CUL2: variants seen among roughly 807,000 people sequenced by gnomAD.
The protein encoded by CUL2 is cullin 2.
A neutral mutation model predicts 110.2 loss-of-function variants in CUL2; 22 were observed. The observed-to-expected ratio is 0.20, with a 90% CI of 0.14 to 0.28. The LOEUF (loss-of-function observed/expected upper bound fraction) is 0.28. Among genes scored for constraint, CUL2 ranks in the 10% least tolerant of loss-of-function variants. CUL2 has a pLI of 1.00. For synonymous variants in CUL2, 279 were observed against 293.2 expected (o/e 0.95, Z 0.49); for missense variants, 631 against 905.5 (o/e 0.70, Z 3.89).
upstream of CUL2, among the ~76,000 whole-genome samples, chr10:35,091,615 G>T (rs940729784): frequency 5.3e-5 from 8 of 151,098 alleles, no homozygotes; most frequent in Non-Finnish European, 1.2e-4. Context: ...AATGCAATAT[G>T]TCTGGTCCTT....
At chr10:35,022,950 C>G (rs543354815) in intron 17 of CUL2, among the ~76,000 whole-genome samples, 2 of 152,128 alleles carry the variant, frequency 1.3e-5, no homozygotes, top group Admixed American at 6.5e-5. Context: ...AAGGCTGAGG[C>G]AGGAGAATCA....
intron 16 of CUL2, among the ~76,000 whole-genome samples, chr10:35,026,934 C>G (rs1054447814): frequency 6.6e-6 from 1 of 151,972 alleles, no homozygotes; most frequent in African/African-American, 2.4e-5. Flanking sequence ...GCTGCACCCA[C>G]TAACTCGTCA....
intron 1 of CUL2, among the ~76,000 whole-genome samples, chr10:35,121,219 A>G (rs1349791168): frequency 6.6e-6 from 1 of 152,130 alleles, no homozygotes; most frequent in African/African-American, 2.4e-5. Flanking sequence ...GCCGGAAGAT[A>G]GGCTTTATTT....
intron 1 of CUL2, among the ~76,000 whole-genome samples, chr10:35,078,596 C>T (rs181720970): frequency 2.0e-5 from 3 of 152,236 alleles, no homozygotes; most frequent in African/African-American, 7.2e-5. Flanking sequence ...CTACTGCACC[C>T]AGCCCGACAT....
intron 5 of CUL2, among the ~76,000 whole-genome samples, chr10:35,051,861 G>A (rs972340281): frequency 2.2e-4 from 33 of 151,996 alleles, no homozygotes; most frequent in Non-Finnish European, 3.2e-4. Context: ...TCAACTGCTC[G>A]GTTTCTTTAT....
chr10:35,018,399 C>T (rs970241037), intron 17 of CUL2, among the ~76,000 whole-genome samples: 11 of 150,846 alleles, frequency 7.3e-5, no homozygotes, highest in African/African-American at 2.7e-4. Flanking sequence ...ACCCCAGAGA[C>T]TGCATTTTCC....
At chr10:35,122,477 CAACA>C (rs1221675874) in intron 1 of CUL2, among the ~76,000 whole-genome samples, 1 of 152,128 alleles carries the variant, frequency 6.6e-6, no homozygotes, top group Non-Finnish European at 1.5e-5. Context: ...TCACACAAGT[CAACA>C]AACAAACTTG....
At chr10:35,089,991 G>A (rs2087166490) in intron 1 of CUL2, 188 bp downstream of exon 1, 2 of 152,296 alleles carry the variant, frequency 1.3e-5, no homozygotes, top group South Asian at 2.1e-4. Flanking sequence ...CAGGGCTTAC[G>A]GGTCAGCGCT....
intron 1 of CUL2, among the ~76,000 whole-genome samples, chr10:35,125,870 C>A (rs1479119663): frequency 6.6e-6 from 1 of 152,206 alleles, no homozygotes; most frequent in Non-Finnish European, 1.5e-5. Flanking sequence ...CGCTCTGTCA[C>A]CCAGACTGGA....
intron 1 of CUL2, among the ~76,000 whole-genome samples, chr10:35,081,549 T>C (rs1463164348): frequency 3.9e-5 from 6 of 152,228 alleles, no homozygotes; most frequent in Non-Finnish European, 8.8e-5. Context: ...GTATGAATAC[T>C]AGACAAAGCT....
upstream of CUL2, among the ~76,000 whole-genome samples, chr10:35,093,535 G>T (rs1589057934): frequency 6.6e-6 from 1 of 151,478 alleles, no homozygotes; most frequent in Non-Finnish European, 1.5e-5. Context: ...GGTGTGTGCT[G>T]GTAGTCACAG....
rs140730307 is a variant in CUL2, at chr10:35,111,703, C to T, written c.-50-10643G>A. On this transcript the variant is annotated intron_variant, in intron 1 of 5. Coordinates refer to the CUL2 transcript ENST00000685421. ...AGGAGTTCCAGACCAGCCTGGCCAA[C>T]ATGGTGAAAACTGGTCTCTACTAAA... Among the ~76,000 whole-genome samples, 603 of 152,266 alleles carry T rather than the reference C, an allele frequency of 4.0e-3. 2 individuals carry two copies. Among genetic ancestry groups the T allele is most frequent in the Non-Finnish European group, 7.0e-3 (475 of 68,006 alleles).
At chr10:35,057,862 G>A (rs1379999789) in intron 4 of CUL2, among the ~76,000 whole-genome samples, 1 of 152,044 alleles carries the variant, frequency 6.6e-6, no homozygotes, top group African/African-American at 2.4e-5. Flanking sequence ...GGGAGGCTGA[G>A]GCAGGTGGAT....
rs1260491775 is a variant in CUL2, at chr10:35,033,251, G to A, written c.1025C>T (p.Ser342Leu). ...QENMPTLFVE[S>L]VLEVHGKFVQ... ...AAATTTACCATGCACTTCCAAAACT[G>A]ACTCCACAAATAGTGTTGGCATCTA... Residue 342 changes from serine to leucine, a missense_variant, in exon 11 of 21, where the codon TCA becomes TTA. Ser to Leu is a moderately radical substitution (Grantham distance 145, BLOSUM62 -2). Coordinates refer to ENST00000374749, the MANE Select transcript of CUL2 (RefSeq NM_003591.4). 4 of 1,612,738 alleles carry A rather than the reference G, an allele frequency of 2.5e-6. No homozygotes were observed. Among genetic ancestry groups the A allele is most frequent in the Non-Finnish European group, 3.4e-6 (4 of 1,179,080 alleles).
intron 1 of CUL2, among the ~76,000 whole-genome samples, chr10:35,102,249 A>G (rs1172468636): frequency 6.6e-6 from 1 of 151,896 alleles, no homozygotes; most frequent in Non-Finnish European, 1.5e-5. Flanking sequence ...AACAATAATA[A>G]TAACATTAAT....
chr10:35,102,384 C>T (rs1043381100), intron 1 of CUL2, among the ~76,000 whole-genome samples: 1 of 151,974 alleles, frequency 6.6e-6, no homozygotes, highest in Non-Finnish European at 1.5e-5. Flanking sequence ...CCAGCCTGGC[C>T]AACATAGTGA....
Position 35,035,281 on chromosome 10 carries a change from T to A in CUL2, c.893A>T (p.Tyr298Phe). ...QEKKNDMANM[Y>F]VLLRAVSTGL... ...AGTGGACACAGCACGGAGTAAGACG[T>A]ACATATTTGCCATGTCTGAGAGGAA... Residue 298 changes from tyrosine (Y) to phenylalanine (F), a missense_variant, in exon 10 of 21, where the codon TAC (tyrosine) becomes TTC (phenylalanine). By Grantham distance (22) the Tyr-to-Phe change is conservative (BLOSUM62 3). Around this residue, in one of 3 missense-constraint regions of CUL2, gnomAD observed 338 missense variants for 442.5 expected, o/e 0.76. Transcript: ENST00000374749. 1 of 1,614,054 alleles carries A rather than the reference T, an allele frequency of 6.2e-7. No individual in the cohort carries two copies. The highest frequency in any genetic ancestry group is 8.5e-7 in the Non-Finnish European group (1 of 1,179,950).
At position 35,016,189 on chromosome 10, in the gene CUL2, T is replaced by C; in HGVS notation, c.1887+3A>G. On this transcript the variant is annotated splice_donor_region_variant and intron_variant, in intron 18 of 20. Transcript: ENST00000374749. ...TTAAATTCTTTGGAATATTACTACA[T>C]ACCTTTTCTGAATCATGGTTAATCA... 6.2e-7 allele frequency: 1 copy of C among 1,610,034 alleles called. No individual in the cohort carries two copies. Among genetic ancestry groups the C allele is most frequent in the Non-Finnish European group, 8.5e-7 (1 of 1,177,028 alleles).
Position 35,038,938 on chromosome 10 carries a change from G to A in CUL2, c.859C>T (p.Arg287Ter). 6.3e-7 allele frequency: 1 copy of A among 1,585,842 alleles called. No homozygotes were observed. The highest frequency in any genetic ancestry group is 8.6e-7 in the Non-Finnish European group (1 of 1,168,104). The change falls in exon 9 of 21, where the codon CGA becomes TGA. Residue 287 changes from arginine (R) to a stop codon, truncating the protein, a stop_gained. Coordinates refer to ENST00000374749, the MANE Select transcript of CUL2 (RefSeq NM_003591.4). LOFTEE classifies it high-confidence loss of function. ...FLHAECHNII[R>*]QEKKNDMANM... ...CACTTACCATTTTTTTTCTCTTGTC[G>A]AATTATATTATGACATTCTGCATGT... is the stretch of plus-strand genomic sequence containing the variant.
Sources: gnomAD v4.1 joint callset for allele counts (sites outside exome capture counted in the v4.1 genomes callset) on GRCh38, gnomAD v4.1.1 for gene constraint, gnomAD v4.1.1 regional missense constraint, MANE v1.5 for transcripts, NCBI Gene and HGNC (gene_info 2026-07-23, HGNC 2026-07-21) for gene names.